RBFOX1: variants seen among roughly 807,000 people sequenced by gnomAD.
RBFOX1 encodes RNA binding protein fox-1 homolog 1.
A neutral mutation model predicts 57.7 loss-of-function variants in RBFOX1; 8 were observed. The ratio of observed to expected loss-of-function variants is 0.14; its 90% CI spans 0.08 to 0.25. The LOEUF (loss-of-function observed/expected upper bound fraction) is 0.25, where lower values mean the gene tolerates loss of function less well. Among genes scored for constraint, RBFOX1 ranks in the 10% least tolerant of loss-of-function variants. The probability of loss-of-function intolerance (pLI) is 1.00; values close to 1 mark genes in which losing one functional copy is unlikely to be tolerated. For missense variants in RBFOX1, 611 were observed against 548.5 expected, an observed-to-expected ratio of 1.11 and a Z score of -1.14; for synonymous variants, 326 against 222.4, an observed-to-expected ratio of 1.47 and a Z score of -4.15.
intron 3 of RBFOX1, among the ~76,000 whole-genome samples, chr16:5,811,611 G>T (rs2342739): frequency 6.6e-6 from 1 of 151,730 alleles, no homozygotes; most frequent in African/African-American, 2.4e-5. Flanking sequence ...CCACCACATT[G>T]AGCTAATTTT....
intron 6 of RBFOX1, among the ~76,000 whole-genome samples, chr16:7,584,545 C>T (rs7191557): frequency 6.6e-6 from 1 of 152,198 alleles, no homozygotes; most frequent in African/African-American, 2.4e-5. Flanking sequence ...CCCGCCTCAG[C>T]CTCCCACAGT....
chr16:6,675,123 C>T (rs1325556071), intron 3 of RBFOX1, among the ~76,000 whole-genome samples: 1 of 152,000 alleles, frequency 6.6e-6, no homozygotes, highest in South Asian at 2.1e-4. Context: ...CCAGGATGGT[C>T]TCGATCTCTT....
chr16:7,191,820 A>G (rs1244345744), intron 4 of RBFOX1, among the ~76,000 whole-genome samples: 3 of 152,228 alleles, frequency 2.0e-5, no homozygotes, highest in Non-Finnish European at 2.9e-5. Flanking sequence ...CCTTCTAACC[A>G]TTGAGGCGAA....
chr16:6,446,220 T>G (rs2094482811), intron 2 of RBFOX1, among the ~76,000 whole-genome samples: 2 of 152,158 alleles, frequency 1.3e-5, no homozygotes, highest in Middle Eastern at 6.9e-3. Context: ...CCCAGGCTGG[T>G]CTAGAACTTC....
chr16:5,426,466 A>C (rs531092494), intron 1 of RBFOX1, among the ~76,000 whole-genome samples: 81 of 152,364 alleles, frequency 5.3e-4, no homozygotes, highest in African/African-American at 1.7e-3. Flanking sequence ...GGTGTCTGTC[A>C]ATAACGGAGG....
intron 1 of RBFOX1, among the ~76,000 whole-genome samples, chr16:6,112,020 TA>T (rs144796650): frequency 1.3e-5 from 2 of 151,416 alleles, no homozygotes; most frequent in African/African-American, 2.4e-5. Flanking sequence ...AGTGATCTGA[TA>T]AAAAAAAAGT....
At chr16:5,913,684 A>G (rs897451043) in intron 4 of RBFOX1, among the ~76,000 whole-genome samples, 1 of 152,246 alleles carries the variant, frequency 6.6e-6, no homozygotes, top group Non-Finnish European at 1.5e-5. Context: ...AATGCAAAAC[A>G]GGCTAACACA....
At position 5,736,217 on chromosome 16, in the gene RBFOX1, T is replaced by A. The variant is rs76916590; in HGVS notation, c.319-131086T>A. On this transcript the variant is annotated intron_variant, in intron 3 of 19. Transcript: ENST00000641259. ...CACCCCCCATCCCTTTTGAGCAGTG[T>A]CGAAATGAACCTGGCGTCCTGGAGA... is the stretch of plus-strand genomic sequence containing the variant. 8.9e-3 allele frequency among the ~76,000 whole-genome samples: 1,350 copies of A among 152,230 alleles called. 23 individuals are homozygous for A. The highest frequency in any genetic ancestry group is 0.031 in the African/African-American group (1,285 of 41,516).
chr16:6,145,878 C>G (rs918691300), intron 1 of RBFOX1, among the ~76,000 whole-genome samples: 4 of 152,178 alleles, frequency 2.6e-5, no homozygotes, highest in African/African-American at 4.8e-5. Context: ...TGACAAGACT[C>G]TCTCACTCCT....
chr16:7,155,991 T>A (rs186131695), intron 4 of RBFOX1, among the ~76,000 whole-genome samples: 119 of 150,962 alleles, frequency 7.9e-4, no homozygotes, highest in Admixed American at 4.0e-3. Context: ...CAGATATGTT[T>A]TATATATATA....
chr16:6,007,904 G>A (rs78140962), intron 4 of RBFOX1, among the ~76,000 whole-genome samples: 2 of 152,088 alleles, frequency 1.3e-5, no homozygotes, highest in South Asian at 4.1e-4. Flanking sequence ...GCAGTGGAGA[G>A]GAGTATCATT....
chr16:6,578,202 C>T (rs1410793520), intron 2 of RBFOX1, among the ~76,000 whole-genome samples: 2 of 152,218 alleles, frequency 1.3e-5, no homozygotes, highest in Non-Finnish European at 2.9e-5. Flanking sequence ...TACCTCATAT[C>T]TTACGTAGTG....
At chr16:7,581,699 T>C (rs985861461) in intron 6 of RBFOX1, among the ~76,000 whole-genome samples, 1 of 152,066 alleles carries the variant, frequency 6.6e-6, no homozygotes, top group African/African-American at 2.4e-5. Flanking sequence ...CAGACCTTGA[T>C]CCAAATCTAC....
intron 2 of RBFOX1, among the ~76,000 whole-genome samples, chr16:6,424,620 C>CATGTGTGTGTGTGTGT (rs1555466658): frequency 2.0e-5 from 3 of 150,592 alleles, no homozygotes; most frequent in Non-Finnish European, 3.0e-5. Flanking sequence ...TGTGTGTGTG[C>CATGTGTGTGTGTGTGT]GTGTGTGTGA....
intron 4 of RBFOX1, among the ~76,000 whole-genome samples, chr16:7,443,087 G>A (rs2098781709): frequency 6.6e-6 from 1 of 152,150 alleles, no homozygotes; most frequent in South Asian, 2.1e-4. Context: ...TCAGTTGCAC[G>A]AGAACACTCT....
At position 7,054,998 on chromosome 16, in the gene RBFOX1, C is replaced by G. The variant is rs140050570; in HGVS notation, c.27+2900C>G. Among the ~76,000 whole-genome samples the G allele has an allele frequency of 6.0e-3, 914 of 152,252 alleles. 4 individuals carry two copies. Among genetic ancestry groups the G allele is most frequent in the Non-Finnish European group, 7.4e-3 (503 of 68,018 alleles). On this transcript the variant is annotated intron_variant, in intron 4 of 15. Coordinates refer to ENST00000550418, the MANE Select transcript of RBFOX1 (RefSeq NM_018723.4). ...CGTATCCAATACTTGGTGTTAGGAT[C>G]TCCTTTCTTTTTCTCACGAAGCCTA... is the stretch of plus-strand genomic sequence containing the variant.
chr16:5,941,372 C>G (rs72770936), intron 4 of RBFOX1, among the ~76,000 whole-genome samples: 1,727 of 151,738 alleles, frequency 0.011, 18 homozygotes, highest in Middle Eastern at 0.021. Context: ...TGCCTGTCGT[C>G]CCAGCTACTT....
At position 6,868,006 on chromosome 16, in the gene RBFOX1, A is replaced by C. The variant is rs143094765; in HGVS notation, c.-15-184051A>C. 6.8e-3 allele frequency among the ~76,000 whole-genome samples: 1,043 copies of C among 152,306 alleles called. 10 individuals carry two copies. Among genetic ancestry groups the C allele is most frequent in the African/African-American group, 0.024 (988 of 41,562 alleles). On this transcript the variant is annotated intron_variant, in intron 3 of 15. Coordinates refer to ENST00000550418, the MANE Select transcript of RBFOX1 (RefSeq NM_018723.4). Reference sequence around the variant, plus strand: ...GTACTTGATTTTTTCTGAGAAGCTGAAACTACTATACTTCAGTTAACTTAT... The same window carrying C: ...GTACTTGATTTTTTCTGAGAAGCTGCAACTACTATACTTCAGTTAACTTAT...
At chr16:6,432,258 G>A (rs374083823) in intron 2 of RBFOX1, among the ~76,000 whole-genome samples, 3 of 151,974 alleles carry the variant, frequency 2.0e-5, no homozygotes, top group African/African-American at 2.4e-5. Context: ...TATGAGCCAC[G>A]TTGCTCACCC....
Sources: gnomAD v4.1 joint callset for allele counts (sites outside exome capture counted in the v4.1 genomes callset) on GRCh38, gnomAD v4.1.1 for gene constraint, MANE v1.5 for transcripts, NCBI Gene and HGNC (gene_info 2026-07-23, HGNC 2026-07-21) for gene names.